RGS10: variants seen among roughly 807,000 people sequenced by gnomAD.
The protein encoded by RGS10 is regulator of G-protein signalling 10.
In RGS10, 11 loss-of-function variants were observed where a neutral mutation model predicts 23.5. The observed-to-expected ratio is 0.47, with a 90% CI of 0.29 to 0.77. The LOEUF (loss-of-function observed/expected upper bound fraction) is 0.77, where lower values mean the gene tolerates loss of function less well. RGS10 is among the 30% of genes least tolerant of loss of function. The pLI is 0.08. For synonymous variants in RGS10, 77 were observed against 83.2 expected, an observed-to-expected ratio of 0.92 and a Z score of 0.41; for missense variants, 180 against 226.3, an observed-to-expected ratio of 0.80 and a Z score of 1.31.
intron 4 of RGS10, among the ~76,000 whole-genome samples, chr10:119,505,322 CTTTTTTTTTTTT>C (rs11317053): frequency 1.1e-5 from 1 of 90,076 alleles, no homozygotes; most frequent in Non-Finnish European, 2.1e-5. Flanking sequence ...CATTCTGCAT[CTTTTTTTTTTTT>C]TTTTTTTTTT....
intron 1 of RGS10, among the ~76,000 whole-genome samples, chr10:119,531,506 A>G (rs1844329146): frequency 6.6e-6 from 1 of 152,204 alleles, no homozygotes; most frequent in Non-Finnish European, 1.5e-5. Flanking sequence ...CTGTTAGACA[A>G]TTGCCAACCC....
rs1272289938 is a variant in RGS10 at position 119,517,155 on chromosome 10, A to C, written c.256-1503T>G. Among the ~76,000 whole-genome samples, 1 of 152,236 alleles carries C rather than the reference A, an allele frequency of 6.6e-6. No homozygotes were observed. The highest frequency in any genetic ancestry group is 1.5e-5 in the Non-Finnish European group (1 of 68,040). On this transcript the variant is annotated intron_variant, in intron 3 of 4. Transcript: ENST00000369103. This position sits in a 1 kb window ranked among gnomAD's most constrained non-coding sequence, Gnocchi z 5.0. ...GAAGGTTTTGATAGCTGGGGCATGA[A>C]AGGAAGGAAGGGTAGCCCTTTTTTA...
At chr10:119,535,070 A>G (rs1204395926) in intron 1 of RGS10, among the ~76,000 whole-genome samples, 2 of 152,114 alleles carry the variant, frequency 1.3e-5, no homozygotes, top group Non-Finnish European at 2.9e-5. Flanking sequence ...TCCCAGCTAG[A>G]AAATGGGAAA....
chr10:119,535,740 C>G (rs1268595475), intron 1 of RGS10, among the ~76,000 whole-genome samples: 1 of 152,168 alleles, frequency 6.6e-6, no homozygotes, highest in African/African-American at 2.4e-5. Flanking sequence ...TAAGTACTCC[C>G]CCAAACTCAC....
Position 119,504,561 on chromosome 10 carries a change from C to T in RGS10, c.400-4302G>A, listed in dbSNP as rs138364874. ...GGTCAGTAGTGGGGTGAATGGTGTT[C>T]CCCCAAACTTACATTCACCTCGAAT... On this transcript the variant is annotated intron_variant, in intron 4 of 4. Coordinates refer to ENST00000369103, the MANE Select transcript of RGS10 (RefSeq NM_001005339.2). 4.4e-3 allele frequency among the ~76,000 whole-genome samples: 671 copies of T among 152,258 alleles called. 16 individuals are homozygous for T. Among genetic ancestry groups the T allele is most frequent in the Admixed American group, 0.041 (634 of 15,290 alleles).
chr10:119,529,768 T>C (rs927293693), intron 1 of RGS10, among the ~76,000 whole-genome samples: 3 of 152,142 alleles, frequency 2.0e-5, no homozygotes, highest in Admixed American at 6.5e-5. Flanking sequence ...TAAAAAAAAG[T>C]TCAAATCTAG....
intron 1 of RGS10, among the ~76,000 whole-genome samples, chr10:119,531,451 C>T (rs1241058927): frequency 6.6e-6 from 1 of 152,192 alleles, no homozygotes; most frequent in Non-Finnish European, 1.5e-5. Flanking sequence ...CAGTAGATTA[C>T]CATTTAGCCA....
chr10:119,504,077 G>A (rs981196428), intron 4 of RGS10, among the ~76,000 whole-genome samples: 6 of 152,172 alleles, frequency 3.9e-5, no homozygotes, highest in African/African-American at 1.4e-4. Context: ...TAAAAACGAG[G>A]GCTGCAAAGA....
At chr10:119,515,263 T>TA in intron 4 of RGS10, 1 of 497,488 alleles carries the variant, frequency 2.0e-6, no homozygotes, top group Non-Finnish European at 3.6e-6. Flanking sequence ...AGAAGGCAGA[T>TA]AAACTGGTCT....
chr10:119,522,304 T>C (rs1289409434), intron 3 of RGS10, among the ~76,000 whole-genome samples: 1 of 152,060 alleles, frequency 6.6e-6, no homozygotes, highest in Non-Finnish European at 1.5e-5. Flanking sequence ...GTGGGATTTG[T>C]ATCGACTCCT....
At chr10:119,500,506 G>A (rs1589831039) in intron 4 of RGS10, among the ~76,000 whole-genome samples, 4 of 151,896 alleles carry the variant, frequency 2.6e-5, no homozygotes, top group African/African-American at 9.7e-5. Context: ...TATTTTCCAC[G>A]GAAATATAGA....
chr10:119,534,851 C>G lies in RGS10; in HGVS notation c.50-7427G>C, dbSNP rs192991293. ...GTTGCAGTGAGCCGAGATCAAGCCA[C>G]TGCACTCCAGCCTGGTGACAGAGCA... On this transcript the variant is annotated intron_variant, in intron 1 of 4. Coordinates refer to ENST00000369103, the MANE Select transcript of RGS10 (RefSeq NM_001005339.2). Among the ~76,000 whole-genome samples, 143 of 152,124 alleles carry G rather than the reference C, an allele frequency of 9.4e-4. 4 individuals are homozygous for G. The Middle Eastern group carries it at 0.01, about 11-fold the overall frequency.
rs1473771710 is a variant in RGS10 at position 119,517,999 on chromosome 10, G to C, written c.256-2347C>G. ...GGAGCTAGGAAGTATGACTGAAAAG[G>C]GAAACCCTGAGACGGCGACCACAAG... On this transcript the variant is annotated intron_variant, in intron 3 of 4. Coordinates refer to ENST00000369103, the MANE Select transcript of RGS10 (RefSeq NM_001005339.2). The surrounding 1 kb of genome is among the most constrained non-coding windows in gnomAD (Gnocchi z 5.0). 6.6e-6 allele frequency among the ~76,000 whole-genome samples: 1 copy of C among 152,178 alleles called. No homozygotes were observed. The highest frequency in any genetic ancestry group is 2.4e-5 in the African/African-American group (1 of 41,438).
chr10:119,505,687 G>A (rs1564708088), intron 4 of RGS10, among the ~76,000 whole-genome samples: 1 of 152,118 alleles, frequency 6.6e-6, no homozygotes, highest in Non-Finnish European at 1.5e-5. Context: ...AGGAAAGGAC[G>A]TCCCCCTGAC....
rs1266852621 is a variant in RGS10, at chr10:119,517,168, T to TA, written c.256-1517dup. On this transcript the variant is annotated intron_variant, in intron 3 of 4. Coordinates refer to ENST00000369103, the MANE Select transcript of RGS10 (RefSeq NM_001005339.2). This position sits in a 1 kb window ranked among gnomAD's most constrained non-coding sequence, Gnocchi z 5.0. ...GCTGGGGCATGAAAGGAAGGAAGGG[T>TA]AGCCCTTTTTTAGTTCAGGGCACTG... Among the ~76,000 whole-genome samples the TA allele has an allele frequency of 4.6e-5, 7 of 152,148 alleles. No individual in the cohort carries two copies. In the East Asian group the frequency reaches 1.3e-3, roughly 29 times the overall value.
At chr10:119,536,816 TC>T (rs879889545) in intron 1 of RGS10, among the ~76,000 whole-genome samples, 1 of 152,146 alleles carries the variant, frequency 6.6e-6, no homozygotes, top group Non-Finnish European at 1.5e-5. Context: ...CCCCTGTGTG[TC>T]CTCTGGGGCC....
At chr10:119,515,323 G>A (rs1040278581) in intron 4 of RGS10, 186 bp downstream of exon 4, 4 of 663,164 alleles carry the variant, frequency 6.0e-6, no homozygotes, top group East Asian at 2.8e-5. Context: ...CTCCTGTGGG[G>A]CAAATCTCAA....
chr10:119,530,883 C>A (rs1041635599), intron 1 of RGS10, among the ~76,000 whole-genome samples: 2 of 152,198 alleles, frequency 1.3e-5, no homozygotes, highest in Non-Finnish European at 2.9e-5. Flanking sequence ...TGCTTCAATG[C>A]TCATTGGCAA....
At chr10:119,528,374 A>T (rs1174999484) in intron 1 of RGS10, among the ~76,000 whole-genome samples, 1 of 152,156 alleles carries the variant, frequency 6.6e-6, no homozygotes, top group Non-Finnish European at 1.5e-5. Flanking sequence ...TATGCTAAAA[A>T]ATCCATGATG....
Sources: gnomAD v4.1 joint callset for allele counts (sites outside exome capture counted in the v4.1 genomes callset) on GRCh38, gnomAD v4.1.1 for gene constraint, Gnocchi (gnomAD v3.1) non-coding constraint, MANE v1.5 for transcripts, NCBI Gene and HGNC (gene_info 2026-07-23, HGNC 2026-07-21) for gene names.